ALCAM: variants seen among roughly 807,000 people sequenced by gnomAD.
The protein encoded by ALCAM is activated leukocyte cell adhesion molecule, also known as CD166 antigen.
A neutral mutation model predicts 70.9 loss-of-function variants in ALCAM; 30 were observed. The ratio of observed to expected loss-of-function variants is 0.42; its 90% CI spans 0.32 to 0.57. The LOEUF (loss-of-function observed/expected upper bound fraction) is 0.57, where lower values mean the gene tolerates loss of function less well. Ranked by LOEUF, ALCAM falls within the 20% of genes least tolerant of loss-of-function variation. The pLI, the probability that ALCAM is intolerant of heterozygous loss-of-function variation, is 0.11. For synonymous variants in ALCAM, 249 were observed against 242.5 expected, an observed-to-expected ratio of 1.03 and a Z score of -0.25; for missense variants, 591 against 695.1, an observed-to-expected ratio of 0.85 and a Z score of 1.68.
chr3:105,380,573 C>T (rs550450138), intron 1 of ALCAM, among the ~76,000 whole-genome samples: 11 of 151,798 alleles, frequency 7.2e-5, no homozygotes, highest in African/African-American at 2.7e-4. Flanking sequence ...ATGTTTGAGT[C>T]AGTGTTGAGC....
At chr3:105,524,104 T>C (rs1178116293) in intron 2 of ALCAM, among the ~76,000 whole-genome samples, 185 bp from the exon 3 acceptor site, 1 of 152,192 alleles carries the variant, frequency 6.6e-6, no homozygotes, top group Non-Finnish European at 1.5e-5. Flanking sequence ...TTACTCATTA[T>C]GGCTTCTCTC....
chr3:105,377,251 A>G (rs1438361732), intron 1 of ALCAM, among the ~76,000 whole-genome samples: 1 of 152,150 alleles, frequency 6.6e-6, no homozygotes, highest in African/African-American at 2.4e-5. Context: ...AAGTTCCTGG[A>G]AGTTTAGGTT....
At chr3:105,519,617 T>C (rs1939476985) in intron 1 of ALCAM, among the ~76,000 whole-genome samples, 2 of 152,138 alleles carry the variant, frequency 1.3e-5, no homozygotes, top group Non-Finnish European at 2.9e-5. Context: ...AAAAATTTGA[T>C]AATATTTTCA....
At chr3:105,450,411 A>T (rs7651901) in intron 1 of ALCAM, among the ~76,000 whole-genome samples, 5 of 152,086 alleles carry the variant, frequency 3.3e-5, no homozygotes, top group Non-Finnish European at 7.4e-5. Context: ...TCCTAGGCCA[A>T]CTTTCATTTT....
chr3:105,418,033 G>C (rs1936549871), intron 1 of ALCAM, among the ~76,000 whole-genome samples: 2 of 151,680 alleles, frequency 1.3e-5, no homozygotes, highest in African/African-American at 4.8e-5. Flanking sequence ...TGATTGATTT[G>C]AGGGATGTGA....
intron 4 of ALCAM, among the ~76,000 whole-genome samples, chr3:105,533,369 T>C (rs1939889389): frequency 6.6e-6 from 1 of 152,204 alleles, no homozygotes; most frequent in East Asian, 1.9e-4. Flanking sequence ...AGTGACACCA[T>C]CTATTGCACA....
intron 1 of ALCAM, among the ~76,000 whole-genome samples, chr3:105,428,730 G>A (rs914793710): frequency 1.3e-5 from 2 of 151,860 alleles, no homozygotes; most frequent in Non-Finnish European, 2.9e-5. Context: ...ATTATCCAAA[G>A]CAAAGTTAGA....
At chr3:105,500,696 T>C (rs4337659) in intron 1 of ALCAM, among the ~76,000 whole-genome samples, 146,264 of 152,290 alleles carry the variant, frequency 0.96, 70,498 homozygotes, top group East Asian at 1. Flanking sequence ...TTCCTTAACT[T>C]GGTTCTATCT....
rs1939496243 is a variant in ALCAM at position 105,520,117 on chromosome 3, C to A, written c.124C>A (p.Pro42Thr). 20 of 1,613,190 alleles carry A rather than the reference C, an allele frequency of 1.2e-5. No homozygotes were observed. Among genetic ancestry groups the A allele is most frequent in the South Asian group, 2.2e-5 (2 of 91,044 alleles). Residue 42 changes from proline (P) to threonine (T), a missense_variant, in exon 2 of 16, where the codon CCT becomes ACT. Around this residue, in one of 2 missense-constraint regions of ALCAM, gnomAD observed 427 missense variants for 450.4 expected, o/e 0.95. Transcript: ENST00000306107. The part of the protein sequence containing the change: ...NSAYGDTIII[P>T]CRLDVPQNLM... The stretch of plus-strand genomic sequence containing the variant: ...AGCATATGGAGATACCATTATCATA[C>A]CTTGCCGACTTGACGTACCTCAGAA...
intron 1 of ALCAM, among the ~76,000 whole-genome samples, chr3:105,432,235 T>G (rs1261550080): frequency 6.6e-6 from 1 of 152,188 alleles, no homozygotes. Flanking sequence ...AATTAAGCTT[T>G]AAGAATTCAT....
At chr3:105,504,449 C>T (rs1404769392) in intron 1 of ALCAM, among the ~76,000 whole-genome samples, 1 of 152,192 alleles carries the variant, frequency 6.6e-6, no homozygotes, top group African/African-American at 2.4e-5. Context: ...AGGTAGCTCT[C>T]AGCAGATGGG....
chr3:105,442,572 G>A (rs1408911717), intron 1 of ALCAM, among the ~76,000 whole-genome samples: 1 of 152,058 alleles, frequency 6.6e-6, no homozygotes. Context: ...ACGAGGTCAG[G>A]AGATCGATAC....
chr3:105,552,364 G>C, intron 13 of ALCAM, 104 bp from the exon 14 acceptor site: 2 of 1,330,584 alleles, frequency 1.5e-6, no homozygotes, highest in African/African-American at 2.9e-5. Context: ...GTTAATTACT[G>C]TAGTGAGCTT....
intron 14 of ALCAM, among the ~76,000 whole-genome samples, chr3:105,562,317 T>C (rs1940644488): frequency 6.6e-6 from 1 of 152,248 alleles, no homozygotes; most frequent in South Asian, 2.1e-4. Flanking sequence ...GTTGAATAAC[T>C]TTTTTACTAT....
intron 7 of ALCAM, among the ~76,000 whole-genome samples, chr3:105,540,896 T>C (rs575067959): frequency 1.8e-4 from 28 of 152,190 alleles, no homozygotes; most frequent in Admixed American, 4.6e-4. Flanking sequence ...TTCTTTATGC[T>C]GACAGAAAAC....
chr3:105,406,177 A>G (rs914937194), intron 1 of ALCAM, among the ~76,000 whole-genome samples: 41 of 152,282 alleles, frequency 2.7e-4, no homozygotes, highest in African/African-American at 8.7e-4. Flanking sequence ...TACTTAATCT[A>G]CATGGGTCCA....
chr3:105,509,989 T>A (rs1399404696), intron 1 of ALCAM, among the ~76,000 whole-genome samples: 1 of 152,112 alleles, frequency 6.6e-6, no homozygotes, highest in Non-Finnish European at 1.5e-5. Flanking sequence ...TTTCTGGAAT[T>A]TCATAGTCTA....
chr3:105,530,114 A>G (rs1939801364), intron 3 of ALCAM, among the ~76,000 whole-genome samples: 1 of 151,970 alleles, frequency 6.6e-6, no homozygotes, highest in South Asian at 2.1e-4. Context: ...TATTACATCT[A>G]TTGAGCTCTC....
At position 105,453,189 on chromosome 3, in the gene ALCAM, G is replaced by A. The variant is rs531249130; in HGVS notation, c.74-66878G>A. On this transcript the variant is annotated intron_variant, in intron 1 of 15. Transcript: ENST00000306107. ...TGGTATTGCCTAGGTTTTCTTCCAG[G>A]GTTATTATAATTTTGGGTTTTACAT... Among the ~76,000 whole-genome samples, 95 of 152,006 alleles carry A rather than the reference G, an allele frequency of 6.2e-4. 1 individual carries two copies. The highest frequency in any genetic ancestry group is 1.2e-3 in the Admixed American group (19 of 15,256).
Sources: allele counts gnomAD v4.1 joint callset (sites outside exome capture counted in the v4.1 genomes callset), GRCh38; gene constraint gnomAD v4.1.1; regional missense constraint gnomAD v4.1.1; transcripts MANE v1.5; gene names NCBI Gene and HGNC (gene_info 2026-07-23, HGNC 2026-07-21).